The following COL11A1 variants were observed in gnomAD, a reference collection of about 807,000 sequenced individuals.
COL11A1 encodes collagen alpha-1(XI) chain.
A neutral mutation model predicts 265.2 loss-of-function variants in COL11A1; 74 were observed. The observed-to-expected ratio is 0.28, with a 90% confidence interval of 0.23 to 0.34. The LOEUF is 0.34. COL11A1 is among the 10% of genes least tolerant of loss of function. COL11A1 has a pLI of 1.00. For missense variants in COL11A1, 2,165 were observed against 2,263.6 expected, an observed-to-expected ratio of 0.96 and a Z score of 0.88; for synonymous variants, 816 against 727.6, an observed-to-expected ratio of 1.12 and a Z score of -1.96.
At chr1:102,983,720 G>GA (rs1178874499) in intron 31 of COL11A1, among the ~76,000 whole-genome samples, 5 of 151,356 alleles carry the variant, frequency 3.3e-5, no homozygotes, top group African/African-American at 9.7e-5. Flanking sequence ...AGCAACCCTG[G>GA]AAAAAAAATA....
At chr1:102,917,362 T>C (rs933860403) in intron 49 of COL11A1, among the ~76,000 whole-genome samples, 3 of 151,868 alleles carry the variant, frequency 2.0e-5, no homozygotes, top group Admixed American at 6.6e-5. Context: ...AATTTAAACA[T>C]AAGACCTGAA....
chr1:102,920,210 G>T, intron 49 of COL11A1, 101 bp downstream of exon 49: 1 of 1,041,270 alleles, frequency 9.6e-7, no homozygotes, highest in Non-Finnish European at 1.5e-6. Context: ...CTATGTAAAA[G>T]GCTTAGAAAC....
intron 1 of COL11A1, among the ~76,000 whole-genome samples, chr1:103,102,169 G>A (rs1042420184): frequency 6.6e-6 from 1 of 152,006 alleles, no homozygotes; most frequent in African/African-American, 2.4e-5. Context: ...AACCATATTA[G>A]GGTTTTGAAG....
chr1:102,952,201 C>T (rs1296965048), intron 41 of COL11A1, among the ~76,000 whole-genome samples: 4 of 151,992 alleles, frequency 2.6e-5, no homozygotes, highest in African/African-American at 9.7e-5. Flanking sequence ...CAGGTTCAAA[C>T]GATTCTCCTG....
At position 103,006,274 on chromosome 1, in the gene COL11A1, T is replaced by A; in HGVS notation, c.1725A>T (p.Lys575Asn). The change falls in exon 16 of 67, where the codon AAA (lysine) becomes AAT (asparagine). Residue 575 changes from lysine (K) to asparagine (N), a missense_variant. Coordinates refer to ENST00000370096, the MANE Select transcript of COL11A1 (RefSeq NM_001854.4). ...GVQGPPGPTG[K>N]PGKRGRPGAD... ...AAATAAGCCATACCCTTTTTCCAGGTTTTCCCGTTGGACCAGGGGGACCCT... is the reference window on the plus strand; with the variant it reads ...AAATAAGCCATACCCTTTTTCCAGGATTTCCCGTTGGACCAGGGGGACCCT... The A allele has an allele frequency of 6.2e-7, 1 of 1,608,866 alleles. No individual in the cohort carries two copies. Among genetic ancestry groups the A allele is most frequent in the Non-Finnish European group, 8.5e-7 (1 of 1,177,416 alleles).
chr1:103,048,507 T>C (rs1256203785), intron 4 of COL11A1, among the ~76,000 whole-genome samples: 2 of 152,174 alleles, frequency 1.3e-5, no homozygotes, highest in African/African-American at 2.4e-5. Flanking sequence ...TTATTAGTCT[T>C]GCTAGCAGTC....
rs1175353212 is a variant in COL11A1, at chr1:102,886,794, A to T, written c.4858+13T>A. The T allele has an allele frequency of 1.2e-6, 2 of 1,613,772 alleles. No homozygotes were observed. The highest frequency in any genetic ancestry group is 2.2e-5 in the East Asian group (1 of 44,870). On this transcript the variant is annotated intron_variant, in intron 63 of 66. Coordinates refer to ENST00000370096, the MANE Select transcript of COL11A1 (RefSeq NM_001854.4). ...GCTCGGTACATTTGCTTTGTCATGT[A>T]TTATTTACATACCATCTGGGAAGTC...
At chr1:102,999,414 T>C (rs1418256671) in intron 24 of COL11A1, among the ~76,000 whole-genome samples, 1 of 151,956 alleles carries the variant, frequency 6.6e-6, no homozygotes, top group Non-Finnish European at 1.5e-5. Context: ...CTTTAACTAA[T>C]ATTTATTTTG....
chr1:103,026,200 A>G lies in COL11A1; in HGVS notation c.897+16T>C. ...ACAGCAGGACACCACATACACAGGC[A>G]CTGCTTTGTTTTTACCTCCGTCTGT... On this transcript the variant is annotated intron_variant, in intron 6 of 66. Transcript: ENST00000370096. 1 of 1,548,154 alleles carries G rather than the reference A, an allele frequency of 6.5e-7. No individual in the cohort carries two copies. The highest frequency in any genetic ancestry group is 8.9e-7 in the Non-Finnish European group (1 of 1,119,728).
rs1325395705 is a variant in COL11A1, at chr1:102,888,720, T to C, written c.4554+3A>G. 3.1e-6 allele frequency: 5 copies of C among 1,613,834 alleles called. No homozygotes were observed. The highest frequency in any genetic ancestry group is 4.2e-6 in the Non-Finnish European group (5 of 1,179,884). ...TTAAATTGTCAAAGGGAAAAGTACTTACAGTAGAGCCTTTGTTACCCTTTG... is the reference window on the plus strand; with the variant it reads ...TTAAATTGTCAAAGGGAAAAGTACTCACAGTAGAGCCTTTGTTACCCTTTG... On this transcript the variant is annotated splice_donor_region_variant and intron_variant, in intron 61 of 66. Coordinates refer to ENST00000370096, the MANE Select transcript of COL11A1 (RefSeq NM_001854.4).
intron 46 of COL11A1, among the ~76,000 whole-genome samples, chr1:102,927,546 C>A (rs1382425111): frequency 6.6e-6 from 1 of 152,028 alleles, no homozygotes; most frequent in Non-Finnish European, 1.5e-5. Flanking sequence ...GAAACCCCGT[C>A]TCCGGAGAAT....
intron 30 of COL11A1, 32 bp from the exon 31 acceptor site, chr1:102,984,223 T>C: frequency 7.3e-7 from 1 of 1,378,500 alleles, no homozygotes; most frequent in Non-Finnish European, 1.0e-6. Flanking sequence ...ATCAAAGTAA[T>C]ATTTTAAGTT....
At chr1:102,901,779 C>A (rs1024021790) in intron 54 of COL11A1, among the ~76,000 whole-genome samples, 2 of 152,124 alleles carry the variant, frequency 1.3e-5, no homozygotes, top group Non-Finnish European at 2.9e-5. Context: ...CTAATATAAT[C>A]TTCTTTTCAC....
At chr1:102,997,841 A>C (rs1471468988) in intron 25 of COL11A1, among the ~76,000 whole-genome samples, 1 of 152,000 alleles carries the variant, frequency 6.6e-6, no homozygotes, top group African/African-American at 2.4e-5. Context: ...GTGAAGGCTG[A>C]GATATTTTCA....
At chr1:103,099,315 G>A (rs747566300) in intron 1 of COL11A1, among the ~76,000 whole-genome samples, 13 of 151,628 alleles carry the variant, frequency 8.6e-5, no homozygotes, top group African/African-American at 2.7e-4. Context: ...CTTGTTTGGA[G>A]ATGGTACTTC....
At chr1:102,901,577 T>C (rs898691312) in intron 54 of COL11A1, among the ~76,000 whole-genome samples, 1 of 152,208 alleles carries the variant, frequency 6.6e-6, no homozygotes. Context: ...CCTCATATGT[T>C]TGCATAAACG....
intron 37 of COL11A1, among the ~76,000 whole-genome samples, chr1:102,967,259 G>A (rs1486359412): frequency 1.9e-4 from 1 of 5,336 alleles, no homozygotes; most frequent in Non-Finnish European, 5.7e-4. Context: ...TTTTTTTTTT[G>A]AGACGGAGTC....
Position 103,036,228 on chromosome 1 carries a change from C to T in COL11A1, c.652-4984G>A, listed in dbSNP as rs79381672. On this transcript the variant is annotated intron_variant, in intron 4 of 66. Coordinates refer to ENST00000370096, the MANE Select transcript of COL11A1 (RefSeq NM_001854.4). ...TGAGAGATAATAGCTAAGTTCCTTTCCAGGGATAGAAATTCTAGAATGCCA... is the reference window on the plus strand; with the variant it reads ...TGAGAGATAATAGCTAAGTTCCTTTTCAGGGATAGAAATTCTAGAATGCCA... Among the ~76,000 whole-genome samples the T allele has an allele frequency of 1.4e-3, 208 of 149,752 alleles. 1 individual carries two copies. Among genetic ancestry groups the T allele is most frequent in the African/African-American group, 5.0e-3 (203 of 40,942 alleles).
intron 41 of COL11A1, among the ~76,000 whole-genome samples, chr1:102,947,896 A>C (rs1421039122): frequency 6.6e-6 from 1 of 151,866 alleles, no homozygotes; most frequent in Non-Finnish European, 1.5e-5. Flanking sequence ...ATTGAATTAC[A>C]ATTTATCTTT....
Sources: gnomAD v4.1 joint callset for allele counts (sites outside exome capture counted in the v4.1 genomes callset) on GRCh38, gnomAD v4.1.1 for gene constraint, MANE v1.5 for transcripts, NCBI Gene and HGNC (gene_info 2026-07-23, HGNC 2026-07-21) for gene names.